Variants in GALNT15 observed in about 807,000 individuals in gnomAD.
GALNT15 encodes UDP-GalNAc transferase T15.
GALNT15 carries 67 observed loss-of-function variants against 66.8 expected under a neutral mutation model. That is an observed-to-expected ratio of 1.00 (90% confidence interval 0.82 to 1.23). GALNT15 has a LOEUF of 1.23. GALNT15 is among the 50% of genes most tolerant of loss of function. The pLI, the probability that GALNT15 is intolerant of heterozygous loss-of-function variation, is 0.00. For missense variants in GALNT15, 827 were observed against 804.3 expected (o/e 1.03, Z -0.34); for synonymous variants, 313 against 311.5 (o/e 1.00, Z -0.05).
At chr3:16,222,369 A>G (rs1166264999) in intron 8 of GALNT15, among the ~76,000 whole-genome samples, 1 of 152,242 alleles carries the variant, frequency 6.6e-6, no homozygotes, top group Admixed American at 6.5e-5. Context: ...AAATAACGTA[A>G]CAGAGAAACA....
chr3:16,222,839 C>G, intron 9 of GALNT15, 81 bp downstream of exon 9: 1 of 1,503,894 alleles, frequency 6.6e-7, no homozygotes, highest in Non-Finnish European at 9.1e-7. Context: ...CTGGGCTCTT[C>G]CAAGAGGTCA....
rs533374952 is a variant in GALNT15, at chr3:16,219,670, G to A, written c.1524+136G>A. The A allele has an allele frequency of 8.0e-7, 1 of 1,253,722 alleles. No homozygotes were observed. The highest frequency in any genetic ancestry group is 1.1e-6 in the Non-Finnish European group (1 of 895,300). 77.7% of individuals were successfully genotyped at this position (1,253,722 alleles called of 1,614,324 possible). A position where few individuals can be genotyped will look rare whatever the true frequency, so the allele number is the denominator to read the frequency against. On this transcript the variant is annotated intron_variant, in intron 7 of 9. Transcript: ENST00000339732. This position sits in a 1 kb window ranked among gnomAD's most constrained non-coding sequence, Gnocchi z 4.3. ...CTCAGAGGCCTTGGGTCCATCCCGT[G>A]CCTCCATGCCAGTCTGAGGAAGGTG...
rs1254168124 is a variant in GALNT15, at chr3:16,209,640, A to C, written c.1079+970A>C. 6.6e-6 allele frequency among the ~76,000 whole-genome samples: 1 copy of C among 152,154 alleles called. No individual in the cohort carries two copies. The highest frequency in any genetic ancestry group is 1.9e-4 in the East Asian group (1 of 5,186). ...CGAGACCAACCTGGCCATCATGGCGAAACCCCATCTCTACTAAAATTACAA... is the reference window on the plus strand; with the variant it reads ...CGAGACCAACCTGGCCATCATGGCGCAACCCCATCTCTACTAAAATTACAA... On this transcript the variant is annotated intron_variant, in intron 4 of 9. Coordinates refer to ENST00000339732, the MANE Select transcript of GALNT15 (RefSeq NM_054110.5). The surrounding 1 kb of genome is among the most constrained non-coding windows in gnomAD (Gnocchi z 4.1).
In GALNT15 at chr3:16,181,339, G is replaced by A. The variant is rs1244334531; in HGVS notation, c.539+5649G>A. Among the ~76,000 whole-genome samples the A allele has an allele frequency of 5.3e-5, 8 of 152,090 alleles. No individual in the cohort carries two copies. Among genetic ancestry groups the A allele is most frequent in the Admixed American group, 2.0e-4 (3 of 15,274 alleles). On this transcript the variant is annotated intron_variant, in intron 1 of 9. Coordinates refer to ENST00000339732, the MANE Select transcript of GALNT15 (RefSeq NM_054110.5). This position sits in a 1 kb window ranked among gnomAD's most constrained non-coding sequence, Gnocchi z 5.9. ...TTAAAACTCCCCAGGTGGTTCTATC[G>A]TGAAGCCAGGCTGCAAGGCCCCAGG...
intron 3 of GALNT15, 62 bp from the exon 4 acceptor site, chr3:16,208,441 T>A: frequency 6.4e-7 from 1 of 1,570,718 alleles, no homozygotes; most frequent in Non-Finnish European, 8.7e-7. Context: ...ATGTACAGAC[T>A]GTTTCCAGCC....
Position 16,210,751 on chromosome 3 carries a change from G to A in GALNT15, c.1080-373G>A, listed in dbSNP as rs140982401. Among the ~76,000 whole-genome samples, 1,140 of 152,282 alleles carry A rather than the reference G, an allele frequency of 7.5e-3. 11 individuals are homozygous for A. Among genetic ancestry groups the A allele is most frequent in the Non-Finnish European group, 8.9e-3 (606 of 68,020 alleles). On this transcript the variant is annotated intron_variant, in intron 4 of 9. Coordinates refer to ENST00000339732, the MANE Select transcript of GALNT15 (RefSeq NM_054110.5). ...GAGGAAAGAGCCTGACCATGTCGCC[G>A]TGTCAGGCCTGGTGCTACCTCTCTT...
At chr3:16,205,461 C>T (rs959169305) in intron 3 of GALNT15, among the ~76,000 whole-genome samples, 5 of 152,198 alleles carry the variant, frequency 3.3e-5, no homozygotes, top group Non-Finnish European at 4.4e-5. Flanking sequence ...CTTCTGTTTG[C>T]CTTTTGAAAC....
chr3:16,200,750 G>C lies in GALNT15; in HGVS notation c.838G>C (p.Val280Leu). The change falls in exon 3 of 10, where the codon GTC becomes CTC. Residue 280 changes from valine (V) to leucine (L), a missense_variant. Transcript: ENST00000339732. The surrounding 1 kb of genome is among the most constrained non-coding windows in gnomAD (Gnocchi z 4.4). ...GATRATGDVL[V>L]FMDAHCECHP... ...CACCAGAGCCACCGGGGATGTGCTC[G>C]TCTTCATGGATGCCCACTGCGAGTG... The C allele has an allele frequency of 6.2e-7, 1 of 1,612,896 alleles. No homozygotes were observed. The highest frequency in any genetic ancestry group is 8.5e-7 in the Non-Finnish European group (1 of 1,179,536).
downstream of GALNT15, among the ~76,000 whole-genome samples, chr3:16,232,512 T>TA (rs56354612): frequency 0.01 from 409 of 40,004 alleles, 53 homozygotes; most frequent in Middle Eastern, 0.016. Flanking sequence ...ATATATATAT[T>TA]TATTTAAAAG....
In GALNT15 at chr3:16,219,884, A is replaced by T. The variant is rs779498345; in HGVS notation, c.1525-26A>T. ...GTCTTTACAGTGGAATCTGGAATTC[A>T]CTCCTGTGTGTGTGTCCACTTTCAG... On this transcript the variant is annotated intron_variant, in intron 7 of 9. Coordinates refer to ENST00000339732, the MANE Select transcript of GALNT15 (RefSeq NM_054110.5). The surrounding 1 kb of genome is among the most constrained non-coding windows in gnomAD (Gnocchi z 4.3). 1.9e-6 allele frequency: 3 copies of T among 1,576,000 alleles called. No individual in the cohort carries two copies. In the East Asian group the frequency reaches 6.7e-5, roughly 35 times the overall value.
the GALNT15 span, among the ~76,000 whole-genome samples, chr3:16,243,475 G>A: frequency 1.3e-5 from 2 of 152,236 alleles, no homozygotes. Flanking sequence ...GCAGAGGTTG[G>A]CACTGGCCAG....
At chr3:16,221,714 A>G (rs2063944388) in intron 8 of GALNT15, among the ~76,000 whole-genome samples, 1 of 152,180 alleles carries the variant, frequency 6.6e-6, no homozygotes, top group Admixed American at 6.5e-5. Context: ...GCTTGTCCCT[A>G]CAGGGGCTTT....
rs1038156154 is a variant in GALNT15, at chr3:16,209,784, T to C, written c.1079+1114T>C. 6.6e-6 allele frequency among the ~76,000 whole-genome samples: 1 copy of C among 152,176 alleles called. No homozygotes were observed. ...TTGCAATGAGCTGAGACCACACTAC[T>C]GCACTCTAGCCTGGGTGACAGAGCA... On this transcript the variant is annotated intron_variant, in intron 4 of 9. Transcript: ENST00000339732. This position sits in a 1 kb window ranked among gnomAD's most constrained non-coding sequence, Gnocchi z 4.1.
At position 16,200,516 on chromosome 3, in the gene GALNT15, C is replaced by T. The variant is rs1355306353; in HGVS notation, c.707-103C>T. On this transcript the variant is annotated intron_variant, in intron 2 of 9. Transcript: ENST00000339732. The surrounding 1 kb of genome is among the most constrained non-coding windows in gnomAD (Gnocchi z 4.4). Reference sequence around the variant, plus strand: ...GTTTTCGGTTCTTAGGACCCAGGTGCTCACCACAGCTTCCAAAAGAGAGTT... The same window carrying T: ...GTTTTCGGTTCTTAGGACCCAGGTGTTCACCACAGCTTCCAAAAGAGAGTT... The T allele has an allele frequency of 2.3e-6, 2 of 886,638 alleles. No individual in the cohort carries two copies. Among genetic ancestry groups the T allele is most frequent in the East Asian group, 3.0e-5 (1 of 33,386 alleles). 54.9% of individuals were successfully genotyped at this position (886,638 alleles called of 1,614,324 possible).
Position 16,212,687 on chromosome 3 carries a change from G to C in GALNT15, c.1316G>C (p.Arg439Pro). The C allele has an allele frequency of 1.2e-6, 2 of 1,614,046 alleles. No individual in the cohort carries two copies. Among genetic ancestry groups the C allele is most frequent in the Non-Finnish European group, 1.7e-6 (2 of 1,180,018 alleles). The change falls in exon 6 of 10, where the codon CGC (arginine) becomes CCC (proline). Residue 439 changes from arginine (R) to proline (P), a missense_variant. Transcript: ENST00000339732. ...GAGGCCACCCTGAGGAACAGGGTTC[G>C]CATTGCTGAGACCTGGCTGGGGTCA... ...DQEATLRNRVRIAETWLGSFK... is the reference protein window; with the variant it reads ...DQEATLRNRVPIAETWLGSFK...
chr3:16,217,872 A>C (rs965099562), intron 6 of GALNT15, among the ~76,000 whole-genome samples: 2 of 152,272 alleles, frequency 1.3e-5, no homozygotes, highest in African/African-American at 2.4e-5. Context: ...AATGCCAAGA[A>C]GCCATCAAGA....
chr3:16,213,226 T>C (rs2063836380), intron 6 of GALNT15, among the ~76,000 whole-genome samples: 1 of 150,914 alleles, frequency 6.6e-6, no homozygotes, highest in South Asian at 2.1e-4. Context: ...GAGGCCGAGG[T>C]GGGTGGATCA....
chr3:16,222,474 T>C (rs2124902412), intron 8 of GALNT15, 141 bp from the exon 9 acceptor site: 1 of 967,160 alleles, frequency 1.0e-6, no homozygotes, highest in Non-Finnish European at 1.6e-6. Context: ...GACTTGACCA[T>C]GAGATATGGT....
intron 8 of GALNT15, 44 bp from the exon 9 acceptor site, chr3:16,222,571 G>C: frequency 6.2e-7 from 1 of 1,612,952 alleles, no homozygotes; most frequent in Non-Finnish European, 8.5e-7. Context: ...GCTTTGAAGA[G>C]GATCTCTTTC....
Sources: allele counts gnomAD v4.1 joint callset (sites outside exome capture counted in the v4.1 genomes callset), GRCh38; gene constraint gnomAD v4.1.1; non-coding constraint Gnocchi (gnomAD v3.1); transcripts MANE v1.5; gene names NCBI Gene and HGNC (gene_info 2026-07-23, HGNC 2026-07-21).